THRA: variants seen among roughly 807,000 people sequenced by gnomAD.
The protein encoded by THRA is thyroid hormone receptor alpha, also known as EAR-7.
In THRA, 13 loss-of-function variants were observed where a neutral mutation model predicts 45.0. The observed-to-expected ratio is 0.29, with a 90% CI of 0.19 to 0.46. The LOEUF is 0.46. Among genes scored for constraint, THRA ranks in the 20% least tolerant of loss-of-function variants. THRA has a pLI of 1.00. For missense variants in THRA, 278 were observed against 556.1 expected, an observed-to-expected ratio of 0.50 and a Z score of 5.03; for synonymous variants, 195 against 214.0, an observed-to-expected ratio of 0.91 and a Z score of 0.78.
At chr17:40,066,667 A>C (rs1247620046) in intron 1 of THRA, among the ~76,000 whole-genome samples, 1 of 128,982 alleles carries the variant, frequency 7.8e-6, no homozygotes, top group African/African-American at 3.2e-5. Context: ...CCGTCTCAAA[A>C]AAAAAAAAAA....
At chr17:40,086,608 TC>T (rs762494446) in intron 6 of THRA, 98 bp from the exon 7 acceptor site, 86 of 1,493,582 alleles carry the variant, frequency 5.8e-5, no homozygotes, top group Non-Finnish European at 7.6e-5. Context: ...CGGCCCCTCT[TC>T]CCCAAGCTGC....
In THRA at chr17:40,083,920, C is replaced by T; in HGVS notation, c.308C>T (p.Thr103Ile). Residue 103 changes from threonine (T) to isoleucine (I), a missense_variant, in exon 5 of 9, where the codon ACC becomes ATC. Thr to Ile is a moderately conservative substitution (Grantham distance 89, BLOSUM62 -1). Around this residue, in one of 6 missense-constraint regions of THRA, gnomAD observed 111 missense variants for 167.1 expected, o/e 0.66. Coordinates refer to ENST00000450525, the MANE Select transcript of THRA (RefSeq NM_199334.5). ...AGCTGCTGTGTCATTGACAAGATCA[C>T]CCGCAATCAGTGCCAGCTGTGCCGC... The part of the protein sequence containing the change: ...YDSCCVIDKI[T>I]RNQCQLCRFK... The T allele has an allele frequency of 6.2e-7, 1 of 1,614,028 alleles. No individual in the cohort carries two copies. The highest frequency in any genetic ancestry group is 8.5e-7 in the Non-Finnish European group (1 of 1,179,924).
chr17:40,077,722 A>C, intron 4 of THRA, 114 bp downstream of exon 4: 5 of 790,918 alleles, frequency 6.3e-6, no homozygotes, highest in Non-Finnish European at 1.0e-5. Flanking sequence ...TTTGAGACGG[A>C]GTCTCACTCT....
intron 1 of THRA, among the ~76,000 whole-genome samples, chr17:40,067,960 C>T (rs184964660): frequency 9.3e-4 from 142 of 152,280 alleles, no homozygotes; most frequent in Admixed American, 2.8e-3. Context: ...GTCGAGGCTG[C>T]GGTGAGCTGT....
chr17:40,090,055 G>A lies in THRA; in HGVS notation c.*599G>A. ...GACAGAGAGAAAAATACAAAAAAGAGAGAGCGAGCGATAGAGAGAGATGAT... is the reference window on the plus strand; with the variant it reads ...GACAGAGAGAAAAATACAAAAAAGAAAGAGCGAGCGATAGAGAGAGATGAT... On this transcript the variant is annotated 3_prime_UTR_variant, in exon 9 of 9. Transcript: ENST00000450525. 4.1e-6 allele frequency: 4 copies of A among 984,332 alleles called. No individual in the cohort carries two copies. The highest frequency in any genetic ancestry group is 4.8e-6 in the Non-Finnish European group (4 of 828,286). 61.0% of individuals were successfully genotyped at this position (984,332 alleles called of 1,614,324 possible).
downstream of THRA, chr17:40,093,413 A>G: frequency 6.3e-7 from 1 of 1,596,554 alleles, no homozygotes; most frequent in South Asian, 1.1e-5. This position sits in a 1 kb window ranked among gnomAD's most constrained non-coding sequence, Gnocchi z 5.9. Context: ...GGGAAGGAGA[A>G]GGAGTGCCAT....
intron 5 of THRA, chr17:40,084,298 C>G (rs562291864): frequency 8.0e-6 from 4 of 502,036 alleles, no homozygotes; most frequent in Non-Finnish European, 1.4e-5. Context: ...CACCCCACTT[C>G]TAGATGAGAC....
chr17:40,087,031 A>T (rs1987343201), intron 7 of THRA, 178 bp downstream of exon 7: 1 of 772,502 alleles, frequency 1.3e-6, no homozygotes, highest in Admixed American at 2.7e-5. Context: ...CACCCAGCAC[A>T]CAGGCACACA....
chr17:40,086,937 G>A, intron 7 of THRA, 84 bp downstream of exon 7: 1 of 1,573,750 alleles, frequency 6.4e-7, no homozygotes, highest in East Asian at 2.3e-5. Flanking sequence ...GCTCATCTGA[G>A]GTTCTCTGGA....
chr17:40,091,508 G>A lies in THRA; in HGVS notation c.*2052G>A, dbSNP rs1567657257. 1 of 152,278 alleles carries A rather than the reference G, an allele frequency of 6.6e-6. No homozygotes were observed. The highest frequency in any genetic ancestry group is 1.5e-5 in the Non-Finnish European group (1 of 68,162). 9.4% of individuals were successfully genotyped at this position (152,278 alleles called of 1,614,324 possible). A position where few individuals can be genotyped will look rare whatever the true frequency, so the allele number is the denominator to read the frequency against. On this transcript the variant is annotated 3_prime_UTR_variant, in exon 9 of 9. Transcript: ENST00000450525. ...CTGTATTACTCCAGTCCCATGGGTA[G>A]GCCCTCTTGTACCTTCCTACCACGC...
At chr17:40,074,581 A>G (rs1287882672) in intron 2 of THRA, 40 bp downstream of exon 2, 2 of 1,611,496 alleles carry the variant, frequency 1.2e-6, no homozygotes, top group African/African-American at 1.3e-5. Context: ...ACTCCTAAGC[A>G]GCAGGCATGG....
chr17:40,084,111 T>G, intron 5 of THRA, 129 bp downstream of exon 5: 1 of 1,138,802 alleles, frequency 8.8e-7, no homozygotes, highest in Non-Finnish European at 1.2e-6. Flanking sequence ...TAGGTCAGAA[T>G]GTTCAGTGTC....
intron 1 of THRA, among the ~76,000 whole-genome samples, chr17:40,070,275 C>T (rs1986727727): frequency 1.3e-5 from 2 of 152,162 alleles, no homozygotes; most frequent in Non-Finnish European, 2.9e-5. Flanking sequence ...CCACATCACA[C>T]CTGCCAAATA....
chr17:40,089,919 G>A lies in THRA; in HGVS notation c.*463G>A. On this transcript the variant is annotated 3_prime_UTR_variant, in exon 9 of 9. Coordinates refer to ENST00000450525, the MANE Select transcript of THRA (RefSeq NM_199334.5). The surrounding 1 kb of genome is among the most constrained non-coding windows in gnomAD (Gnocchi z 6.1). ...GGCCTCTCTACTTCCCCAGATGCCT[G>A]GGTGCAAAGAACGGCTTGGCTTGGC... 1 of 995,364 alleles carries A rather than the reference G, an allele frequency of 1.0e-6. No individual in the cohort carries two copies. Among genetic ancestry groups the A allele is most frequent in the Non-Finnish European group, 1.2e-6 (1 of 836,066 alleles). 61.7% of individuals were successfully genotyped at this position (995,364 alleles called of 1,614,324 possible). A position where few individuals can be genotyped will look rare whatever the true frequency, so the allele number is the denominator to read the frequency against.
In THRA at chr17:40,083,881, C is replaced by A; in HGVS notation, c.269C>A (p.Ser90Tyr). Residue 90 changes from serine (S) to tyrosine (Y), a missense_variant, in exon 5 of 9, where the codon TCC (serine) becomes TAC (tyrosine). Ser to Tyr is a moderately radical substitution (Grantham distance 144, BLOSUM62 -2). Transcript: ENST00000450525. ...TIQKNLHPTY[S>Y]CKYDSCCVID... ...CAGAAGAACCTCCATCCCACCTATTCCTGCAAATATGACAGCTGCTGTGTC... is the reference window on the plus strand; with the variant it reads ...CAGAAGAACCTCCATCCCACCTATTACTGCAAATATGACAGCTGCTGTGTC... 6.2e-7 allele frequency: 1 copy of A among 1,613,896 alleles called. No homozygotes were observed. Among genetic ancestry groups the A allele is most frequent in the African/African-American group, 1.3e-5 (1 of 75,032 alleles).
chr17:40,082,759 T>C (rs111721612), intron 4 of THRA, among the ~76,000 whole-genome samples: 10,436 of 68,738 alleles, frequency 0.15, 750 homozygotes, highest in South Asian at 0.24. Context: ...AATCGCATGC[T>C]TTTTTTTTTT....
rs942336070 is a variant in THRA at position 40,076,957 on chromosome 17, G to A, written c.121+19G>A. 2 of 1,613,106 alleles carry A rather than the reference G, an allele frequency of 1.2e-6. No homozygotes were observed. The highest frequency in any genetic ancestry group is 1.3e-5 in the African/African-American group (1 of 74,898). On this transcript the variant is annotated intron_variant, in intron 3 of 8. Transcript: ENST00000450525. ...ATGTCAGGTGAGGCTGGCTGTGCGT[G>A]CCCCTTCTCCACGTCCCCAACCCCA...
intron 4 of THRA, among the ~76,000 whole-genome samples, chr17:40,081,852 A>G (rs1987146994): frequency 6.6e-6 from 1 of 151,844 alleles, no homozygotes; most frequent in Non-Finnish European, 1.5e-5. Flanking sequence ...AGTCCCAGCT[A>G]CTCGGGAGGC....
At position 40,089,711 on chromosome 17, in the gene THRA, C is replaced by T; in HGVS notation, c.*255C>T. ...CTGGGGGAGCTGTGTCCTGCAGTTC[C>T]CAGGACCCCATCCTCTCAGAAGGTA... On this transcript the variant is annotated 3_prime_UTR_variant, in exon 9 of 9. Coordinates refer to ENST00000450525, the MANE Select transcript of THRA (RefSeq NM_199334.5). The surrounding 1 kb of genome is among the most constrained non-coding windows in gnomAD (Gnocchi z 6.1). 1 of 1,347,308 alleles carries T rather than the reference C, an allele frequency of 7.4e-7. No individual in the cohort carries two copies. Among genetic ancestry groups the T allele is most frequent in the African/African-American group, 1.5e-5 (1 of 67,988 alleles). 83.5% of individuals were successfully genotyped at this position (1,347,308 alleles called of 1,614,324 possible).
Sources: allele counts gnomAD v4.1 joint callset (sites outside exome capture counted in the v4.1 genomes callset), GRCh38; gene constraint gnomAD v4.1.1; regional missense constraint gnomAD v4.1.1; non-coding constraint Gnocchi (gnomAD v3.1); transcripts MANE v1.5; gene names NCBI Gene and HGNC (gene_info 2026-07-23, HGNC 2026-07-21).